The following DACH1 variants were observed in gnomAD, a reference collection of about 807,000 sequenced individuals.
DACH1 encodes the protein dachshund family transcription factor 1.
A neutral mutation model predicts 54.2 loss-of-function variants in DACH1; 12 were observed. The observed-to-expected ratio is 0.22, with a 90% CI of 0.14 to 0.36. The LOEUF (loss-of-function observed/expected upper bound fraction) is 0.36, where lower values mean the gene tolerates loss of function less well. DACH1 is among the 10% of genes least tolerant of loss of function. DACH1 has a pLI of 1.00. For synonymous variants in DACH1, 386 were observed against 366.2 expected (o/e 1.05, Z -0.62); for missense variants, 805 against 929.8 (o/e 0.87, Z 1.75).
At chr13:71,651,490 G>A (rs1213147153) in intron 2 of DACH1, among the ~76,000 whole-genome samples, 1 of 152,060 alleles carries the variant, frequency 6.6e-6, no homozygotes, top group Non-Finnish European at 1.5e-5. Flanking sequence ...GCAAAATCCT[G>A]TCTTTACTAA....
chr13:71,461,116 T>C (rs1379874890), intron 10 of DACH1, among the ~76,000 whole-genome samples: 1 of 152,114 alleles, frequency 6.6e-6, no homozygotes, highest in Non-Finnish European at 1.5e-5. Context: ...TTAAATGTTC[T>C]TCCTTCAAAT....
In DACH1 at chr13:71,664,746, T is replaced by C. The variant is rs189391731; in HGVS notation, c.964+17049A>G. ...TATACTTTATACAGCATGGTAGGAT[T>C]ATGAGTGACGCCTTCGTATTTTCCA... On this transcript the variant is annotated intron_variant, in intron 2 of 10. Coordinates refer to ENST00000613252, the MANE Select transcript of DACH1 (RefSeq NM_080759.6). 2.6e-3 allele frequency among the ~76,000 whole-genome samples: 388 copies of C among 152,152 alleles called. 2 individuals carry two copies. The highest frequency in any genetic ancestry group is 9.0e-3 in the African/African-American group (373 of 41,558).
chr13:71,656,526 A>T (rs1314678315), intron 2 of DACH1, among the ~76,000 whole-genome samples: 7 of 152,022 alleles, frequency 4.6e-5, no homozygotes, highest in Admixed American at 3.9e-4. Context: ...TATCTTACCC[A>T]AAATTGGAGC....
At chr13:71,832,450 A>C (rs1888628898) in intron 1 of DACH1, among the ~76,000 whole-genome samples, 1 of 151,946 alleles carries the variant, frequency 6.6e-6, no homozygotes, top group Non-Finnish European at 1.5e-5. Flanking sequence ...TTTTGTTTTT[A>C]ATGTAAAAAG....
chr13:71,517,965 A>T (rs1392243317), intron 6 of DACH1, among the ~76,000 whole-genome samples: 1 of 151,904 alleles, frequency 6.6e-6, no homozygotes, highest in African/African-American at 2.4e-5. Context: ...AGCCTAACTG[A>T]AGAAGCTATT....
chr13:71,712,793 T>G (rs1457904015), intron 1 of DACH1, among the ~76,000 whole-genome samples: 1 of 152,140 alleles, frequency 6.6e-6, no homozygotes, highest in East Asian at 1.9e-4. Context: ...AATAAACTAT[T>G]TCCTTTACCC....
chr13:71,696,791 C>A (rs151256722), intron 1 of DACH1, among the ~76,000 whole-genome samples: 3 of 152,292 alleles, frequency 2.0e-5, no homozygotes, highest in African/African-American at 7.2e-5. Flanking sequence ...AGGTGATCCG[C>A]CCACCTCAGC....
intron 1 of DACH1, among the ~76,000 whole-genome samples, chr13:71,814,950 T>TA (rs1394453866): frequency 6.6e-6 from 1 of 152,194 alleles, no homozygotes; most frequent in African/African-American, 2.4e-5. Context: ...TGGGGGAAAT[T>TA]AAGCAGTAAA....
intron 1 of DACH1, among the ~76,000 whole-genome samples, chr13:71,756,197 AT>A (rs539188761): frequency 4.0e-5 from 6 of 150,650 alleles, no homozygotes; most frequent in South Asian, 4.2e-4. Flanking sequence ...CACTCGGCTA[AT>A]TTTTTTTTCT....
intron 4 of DACH1, among the ~76,000 whole-genome samples, chr13:71,564,361 A>G (rs538279458): frequency 3.3e-4 from 50 of 152,094 alleles, no homozygotes; most frequent in African/African-American, 1.2e-3. Context: ...ACACTCCTTT[A>G]TAGTCCTGAA....
intron 1 of DACH1, among the ~76,000 whole-genome samples, chr13:71,811,437 A>G (rs1381434320): frequency 6.6e-6 from 1 of 152,172 alleles, no homozygotes; most frequent in Admixed American, 6.6e-5. Context: ...GATATGGCCC[A>G]TGTGATTTTT....
Position 71,629,701 on chromosome 13 carries a change from T to A in DACH1, c.1126+855A>T, listed in dbSNP as rs112213792. 2.5e-3 allele frequency among the ~76,000 whole-genome samples: 381 copies of A among 152,240 alleles called. 1 individual carries two copies. The highest frequency in any genetic ancestry group is 8.7e-3 in the African/African-American group (363 of 41,560). ...ACTGAATGGCCGTGAGTTATTAGGG[T>A]CTTCATAAATATACATTGGCTATAG... is the stretch of plus-strand genomic sequence containing the variant. On this transcript the variant is annotated intron_variant, in intron 3 of 10. Transcript: ENST00000613252.
At chr13:71,817,479 G>T (rs1376517821) in intron 1 of DACH1, among the ~76,000 whole-genome samples, 1 of 152,158 alleles carries the variant, frequency 6.6e-6, no homozygotes, top group Non-Finnish European at 1.5e-5. Context: ...TCTAGGTGTT[G>T]GTAGTTCTAG....
intron 6 of DACH1, among the ~76,000 whole-genome samples, chr13:71,497,975 C>A (rs1879587848): frequency 6.6e-6 from 1 of 151,614 alleles, no homozygotes; most frequent in South Asian, 2.1e-4. Flanking sequence ...AACATAAAAC[C>A]ACTTAAGAGG....
rs574889988 is a variant in DACH1 at position 71,771,343 on chromosome 13, A to C, written c.849-89433T>G. Among the ~76,000 whole-genome samples the C allele has an allele frequency of 6.0e-3, 907 of 150,834 alleles. 12 individuals carry two copies. Among genetic ancestry groups the C allele is most frequent in the African/African-American group, 0.021 (851 of 41,324 alleles). ...TAAATAAATAAATAAATAAATAAATAAATAAATAAATAAATCTTTGCCAGA... is the reference window on the plus strand; with the variant it reads ...TAAATAAATAAATAAATAAATAAATCAATAAATAAATAAATCTTTGCCAGA... On this transcript the variant is annotated intron_variant, in intron 1 of 10. Coordinates refer to ENST00000613252, the MANE Select transcript of DACH1 (RefSeq NM_080759.6).
In DACH1 at chr13:71,439,589, G is replaced by T. The variant is rs1873826020; in HGVS notation, c.*1066C>A. Reference sequence around the variant, plus strand: ...GCCACAATCCATTCCCAATAGTGCAGCTTGGGGCACTAGCTAGGGTTCAAT... The same window carrying T: ...GCCACAATCCATTCCCAATAGTGCATCTTGGGGCACTAGCTAGGGTTCAAT... On this transcript the variant is annotated 3_prime_UTR_variant, in exon 11 of 11. Coordinates refer to ENST00000613252, the MANE Select transcript of DACH1 (RefSeq NM_080759.6). 6.6e-6 allele frequency: 1 copy of T among 152,394 alleles called. No individual in the cohort carries two copies. Among genetic ancestry groups the T allele is most frequent in the Admixed American group, 6.6e-5 (1 of 15,238 alleles). The allele number at this position is 152,394 out of a possible 1,614,324, so 9.4% of individuals were successfully genotyped here.
intron 6 of DACH1, among the ~76,000 whole-genome samples, chr13:71,510,305 C>T (rs1288873894): frequency 6.6e-6 from 1 of 151,968 alleles, no homozygotes; most frequent in Non-Finnish European, 1.5e-5. Flanking sequence ...TATGCTGATG[C>T]CTCCAAAATT....
intron 3 of DACH1, among the ~76,000 whole-genome samples, chr13:71,620,837 T>A (rs1388217227): frequency 6.6e-6 from 1 of 151,978 alleles, no homozygotes; most frequent in Admixed American, 6.6e-5. Flanking sequence ...AAGATCATAA[T>A]CTATACTGAT....
At chr13:71,626,625 C>T (rs1482109481) in intron 3 of DACH1, among the ~76,000 whole-genome samples, 1 of 151,966 alleles carries the variant, frequency 6.6e-6, no homozygotes, top group African/African-American at 2.4e-5. Context: ...ATCAGCCAAC[C>T]TGTCACAAGA....
Sources: allele counts gnomAD v4.1 joint callset (sites outside exome capture counted in the v4.1 genomes callset), GRCh38; gene constraint gnomAD v4.1.1; transcripts MANE v1.5; gene names NCBI Gene and HGNC (gene_info 2026-07-23, HGNC 2026-07-21).